NDC1: variants seen among roughly 807,000 people sequenced by gnomAD.
The protein encoded by NDC1 is NDC1 transmembrane nucleoporin, also known as nucleoporin NDC1.
A neutral mutation model predicts 89.8 loss-of-function variants in NDC1; 24 were observed. The ratio of observed to expected loss-of-function variants is 0.27; its 90% CI spans 0.19 to 0.38. The LOEUF is 0.38. NDC1 is among the 10% of genes least tolerant of loss of function. The pLI, the probability that NDC1 is intolerant of heterozygous loss-of-function variation, is 1.00. For synonymous variants in NDC1, 296 were observed against 284.8 expected, an observed-to-expected ratio of 1.04 and a Z score of -0.39; for missense variants, 728 against 797.6, an observed-to-expected ratio of 0.91 and a Z score of 1.05.
intron 10 of NDC1, among the ~76,000 whole-genome samples, chr1:53,802,045 A>T (rs1162483522): frequency 6.6e-6 from 1 of 152,112 alleles, no homozygotes; most frequent in African/African-American, 2.4e-5. Context: ...CATCCAATTA[A>T]ATTTTTTTTA....
intron 5 of NDC1, among the ~76,000 whole-genome samples, chr1:53,821,862 T>C (rs544222825): frequency 1.3e-5 from 2 of 152,196 alleles, no homozygotes; most frequent in South Asian, 2.1e-4. Context: ...ATAAATGTAA[T>C]ACTTTCAACA....
At chr1:53,811,007 C>A (rs964293185) in intron 6 of NDC1, among the ~76,000 whole-genome samples, 7 of 152,190 alleles carry the variant, frequency 4.6e-5, no homozygotes, top group Non-Finnish European at 8.8e-5. Flanking sequence ...CACACCCCCA[C>A]TGGAGAAGGT....
intron 4 of NDC1, among the ~76,000 whole-genome samples, chr1:53,826,708 G>T (rs1648875980): frequency 1.3e-5 from 2 of 152,090 alleles, no homozygotes; most frequent in African/African-American, 4.8e-5. Flanking sequence ...ATATCTGGGG[G>T]TATACAGAGC....
chr1:53,793,188 C>G, intron 14 of NDC1, 41 bp downstream of exon 14: 1 of 1,459,362 alleles, frequency 6.9e-7, no homozygotes, highest in Non-Finnish European at 9.6e-7. Flanking sequence ...TATTTCATTT[C>G]CTCCCTCCCC....
rs201816655 is a variant in NDC1, at chr1:53,789,266, AT to A, written c.1636-71del. ...AAACTCCATTATTTCCTTTAATTAAATATGTAGACCACAAAACAAAAAATTC... is the reference window on the plus strand; with the variant it reads ...AAACTCCATTATTTCCTTTAATTAAAATGTAGACCACAAAACAAAAAATTC... On this transcript the variant is annotated intron_variant, in intron 14 of 17. Transcript: ENST00000371429. The A allele has an allele frequency of 3.6e-4, 336 of 943,832 alleles. 3 individuals are homozygous for A. In the East Asian group the frequency reaches 8.2e-3, roughly 23 times the overall value. 58.5% of individuals were successfully genotyped at this position (943,832 alleles called of 1,614,324 possible).
chr1:53,800,127 G>C (rs1021252865), intron 11 of NDC1, among the ~76,000 whole-genome samples: 2 of 151,940 alleles, frequency 1.3e-5, no homozygotes, highest in Admixed American at 1.3e-4. Context: ...CCACCACACT[G>C]AACTTAATTT....
chr1:53,777,616 G>C (rs1010464652), intron 16 of NDC1, among the ~76,000 whole-genome samples: 1 of 152,142 alleles, frequency 6.6e-6, no homozygotes, highest in Non-Finnish European at 1.5e-5. Context: ...CAGCAAGTAA[G>C]AGTATCAAGC....
At chr1:53,814,066 T>A (rs1255876233) in intron 6 of NDC1, among the ~76,000 whole-genome samples, 2 of 152,108 alleles carry the variant, frequency 1.3e-5, no homozygotes, top group Non-Finnish European at 2.9e-5. Context: ...AATTAAAAAA[T>A]TTTTTGGCTG....
At chr1:53,810,600 A>T (rs1648271921) in intron 6 of NDC1, among the ~76,000 whole-genome samples, 1 of 152,188 alleles carries the variant, frequency 6.6e-6, no homozygotes, top group Admixed American at 6.5e-5. Flanking sequence ...GACTGTATGT[A>T]GTAGGTCAAT....
intron 5 of NDC1, among the ~76,000 whole-genome samples, chr1:53,820,693 TTC>T (rs764802182): frequency 6.8e-6 from 1 of 147,710 alleles, no homozygotes; most frequent in South Asian, 2.1e-4. Flanking sequence ...AAAGATGTAC[TTC>T]TCTCTCTTTT....
At chr1:53,812,294 G>GT (rs753765968) in intron 6 of NDC1, among the ~76,000 whole-genome samples, 1 of 152,206 alleles carries the variant, frequency 6.6e-6, no homozygotes, top group Non-Finnish European at 1.5e-5. Context: ...AATTCAGGAG[G>GT]TTAGTTATTA....
At chr1:53,825,962 A>G (rs1399494950) in intron 4 of NDC1, 26 bp from the exon 5 acceptor site, 1 of 1,608,600 alleles carries the variant, frequency 6.2e-7, no homozygotes, top group Admixed American at 1.7e-5. Context: ...TAAGTTATTA[A>G]TTCAACAGTC....
chr1:53,805,419 T>G (rs1648067806), intron 9 of NDC1, among the ~76,000 whole-genome samples: 1 of 152,204 alleles, frequency 6.6e-6, no homozygotes, highest in Non-Finnish European at 1.5e-5. Context: ...TTTTCCAAGC[T>G]GGTCTTGAAC....
chr1:53,785,723 C>T (rs1647286655), intron 16 of NDC1, among the ~76,000 whole-genome samples: 1 of 151,996 alleles, frequency 6.6e-6, no homozygotes, highest in Admixed American at 6.6e-5. Context: ...TAGGTGCGCA[C>T]CACCACACCT....
Position 53,772,388 on chromosome 1 carries a change from G to A in NDC1, c.1902C>T (p.Phe634=). 1.2e-6 allele frequency: 2 copies of A among 1,613,924 alleles called. No homozygotes were observed. The highest frequency in any genetic ancestry group is 1.7e-6 in the Non-Finnish European group (2 of 1,179,846). ...AGATGGCAGTTTTCAGTGATGCTCT[G>A]AATGCAAATCTTAATGTTTTATATG... The part of the protein sequence containing the change: ...DTSYKTLRFA[F]RASLKTAIYR... The change falls in exon 17 of 18, where the codon TTC becomes TTT. Residue 634 remains phenylalanine (F), a synonymous_variant. Coordinates refer to ENST00000371429, the MANE Select transcript of NDC1 (RefSeq NM_018087.5).
chr1:53,822,444 T>C (rs1389964291), intron 5 of NDC1, among the ~76,000 whole-genome samples: 2 of 152,128 alleles, frequency 1.3e-5, no homozygotes, highest in Non-Finnish European at 2.9e-5. Context: ...TATAATGTTA[T>C]AGGTACATAC....
chr1:53,838,099 C>T (rs1430771075), intron 1 of NDC1, 106 bp downstream of exon 1: 2 of 1,045,790 alleles, frequency 1.9e-6, no homozygotes, highest in African/African-American at 1.6e-5. Flanking sequence ...GTTCTCTCCA[C>T]GCTGCCCCGG....
chr1:53,785,004 C>T (rs1647270466), intron 16 of NDC1, among the ~76,000 whole-genome samples: 1 of 151,728 alleles, frequency 6.6e-6, no homozygotes, highest in Admixed American at 6.6e-5. Context: ...TAGCTTTTTC[C>T]AGGGTCTACT....
At chr1:53,768,779 C>T (rs146384105) in intron 17 of NDC1, among the ~76,000 whole-genome samples, 1 of 152,242 alleles carries the variant, frequency 6.6e-6, no homozygotes, top group African/African-American at 2.4e-5. Context: ...GTCTTATAGA[C>T]ATCTTTGCTT....
Sources: allele counts gnomAD v4.1 joint callset (sites outside exome capture counted in the v4.1 genomes callset), GRCh38; gene constraint gnomAD v4.1.1; transcripts MANE v1.5; gene names NCBI Gene and HGNC (gene_info 2026-07-23, HGNC 2026-07-21).